Variants in C1orf87 observed in about 807,000 individuals in gnomAD.
The protein encoded by C1orf87 is uncharacterized protein C1orf87.
Under a neutral mutation model 60.5 loss-of-function variants are expected in C1orf87, and 58 were observed. That is an observed-to-expected ratio of 0.96 (90% CI 0.78 to 1.19). C1orf87 has a LOEUF of 1.19. Among genes scored for constraint, C1orf87 ranks in the 50% most tolerant of loss-of-function variants. The pLI is 0.00. For missense variants in C1orf87, 673 were observed against 638.6 expected, an observed-to-expected ratio of 1.05 and a Z score of -0.58; for synonymous variants, 236 against 227.4, an observed-to-expected ratio of 1.04 and a Z score of -0.34.
Position 60,040,190 on chromosome 1 carries a change from C to G in C1orf87, c.484-10G>C, listed in dbSNP as rs533983611. ...GGCTCTGGCCAATATCCTAACACAA[C>G]AATGAAAAACAAAGAGCAAGACTCT... is the stretch of plus-strand genomic sequence containing the variant. On this transcript the variant is annotated splice_polypyrimidine_tract_variant and intron_variant, in intron 4 of 11. Transcript: ENST00000371201. The G allele has an allele frequency of 1.9e-6, 3 of 1,603,350 alleles. No individual in the cohort carries two copies. In the Admixed American group the frequency reaches 5.2e-5, roughly 28 times the overall value.
intron 7 of C1orf87, among the ~76,000 whole-genome samples, chr1:60,032,359 G>A (rs1224771697): frequency 6.6e-6 from 1 of 151,090 alleles, no homozygotes; most frequent in Non-Finnish European, 1.5e-5. Context: ...AACTCTTCTG[G>A]ACTTTGAATC....
chr1:60,046,447 T>C (rs1291181078), intron 3 of C1orf87, among the ~76,000 whole-genome samples: 1 of 146,916 alleles, frequency 6.8e-6, no homozygotes, highest in African/African-American at 2.5e-5. Flanking sequence ...CTTCTTCTTT[T>C]TTTTTTTTTT....
intron 3 of C1orf87, among the ~76,000 whole-genome samples, chr1:60,049,737 T>A (rs1645400105): frequency 6.6e-6 from 1 of 152,142 alleles, no homozygotes; most frequent in Non-Finnish European, 1.5e-5. Context: ...TCTTTACACT[T>A]AAACCTTTGA....
chr1:60,052,301 G>A lies in C1orf87; in HGVS notation c.342+2903C>T, dbSNP rs182002870. On this transcript the variant is annotated intron_variant, in intron 3 of 11. Transcript: ENST00000371201. ...TTTTTTATTCTTCTGAGAGAAGGCA[G>A]AGCTGATAATTCTGAGAAATGATAT... 2.0e-3 allele frequency among the ~76,000 whole-genome samples: 304 copies of A among 152,252 alleles called. 1 individual carries two copies. The highest frequency in any genetic ancestry group is 2.9e-3 in the Admixed American group (45 of 15,294).
intron 7 of C1orf87, among the ~76,000 whole-genome samples, chr1:60,026,032 A>G (rs653424): frequency 0.97 from 147,398 of 152,268 alleles, 71,434 homozygotes; most frequent in Non-Finnish European, 0.99. Context: ...ATAAATAGTT[A>G]TTGAATGAAT....
At chr1:59,994,856 T>A in intron 11 of C1orf87, among the ~76,000 whole-genome samples, 1 of 152,162 alleles carries the variant, frequency 6.6e-6, no homozygotes, top group Non-Finnish European at 1.5e-5. Context: ...AAAGCAGATA[T>A]CATCTGCTCA....
chr1:60,045,101 C>G (rs2100303504), intron 3 of C1orf87, among the ~76,000 whole-genome samples: 1 of 152,300 alleles, frequency 6.6e-6, no homozygotes, highest in Middle Eastern at 3.4e-3. Context: ...AACAAATCAT[C>G]TTAACATTAT....
rs567129764 is a variant in C1orf87 at position 59,990,513 on chromosome 1, C to T, written c.*160G>A. 19 of 867,138 alleles carry T rather than the reference C, an allele frequency of 2.2e-5. No homozygotes were observed. The South Asian group carries it at 3.2e-4, about 14-fold the overall frequency. 53.7% of individuals were successfully genotyped at this position (867,138 alleles called of 1,614,324 possible). A position where few individuals can be genotyped will look rare whatever the true frequency, so the allele number is the denominator to read the frequency against. Reference sequence around the variant, plus strand: ...CTTTGAACTGCTTATGAGTGAGCATCATAGCCAGAAACTAAGTCCAAATCA... The same window carrying T: ...CTTTGAACTGCTTATGAGTGAGCATTATAGCCAGAAACTAAGTCCAAATCA... On this transcript the variant is annotated 3_prime_UTR_variant, in exon 12 of 12. Coordinates refer to ENST00000371201, the MANE Select transcript of C1orf87 (RefSeq NM_152377.3).
chr1:59,997,937 A>G, intron 10 of C1orf87, 121 bp from the exon 11 acceptor site: 2 of 923,766 alleles, frequency 2.2e-6, no homozygotes. Context: ...TTGGAAAGCT[A>G]AGAGGATGAG....
intron 8 of C1orf87, among the ~76,000 whole-genome samples, chr1:60,014,090 G>C (rs560390714): frequency 6.6e-6 from 1 of 152,046 alleles, no homozygotes. Context: ...ACTTTCTGCT[G>C]TCATTCTTGA....
intron 2 of C1orf87, among the ~76,000 whole-genome samples, chr1:60,071,684 G>T (rs938206402): frequency 2.0e-5 from 3 of 152,144 alleles, no homozygotes; most frequent in Non-Finnish European, 4.4e-5. Flanking sequence ...ACCTTGAGCT[G>T]GTTCCTGAAT....
intron 7 of C1orf87, among the ~76,000 whole-genome samples, chr1:60,027,168 G>A (rs1357195621): frequency 6.6e-6 from 1 of 152,156 alleles, no homozygotes; most frequent in Admixed American, 6.5e-5. Flanking sequence ...CCTTCGCAGG[G>A]CTTTGTTGAC....
intron 2 of C1orf87, 85 bp from the exon 3 acceptor site, chr1:60,055,523 G>T: frequency 8.1e-7 from 1 of 1,228,872 alleles, no homozygotes; most frequent in Non-Finnish European, 1.2e-6. Context: ...GGTGTGTTTG[G>T]TGTTGTGAAC....
intron 2 of C1orf87, among the ~76,000 whole-genome samples, chr1:60,065,016 A>ATATAT (rs1553130055): frequency 3.0e-5 from 1 of 33,596 alleles, no homozygotes; most frequent in Non-Finnish European, 7.2e-5. Flanking sequence ...ATATATATTA[A>ATATAT]ATATATATAT....
At chr1:60,028,683 C>T (rs931296035) in intron 7 of C1orf87, among the ~76,000 whole-genome samples, 2 of 152,156 alleles carry the variant, frequency 1.3e-5, no homozygotes, top group Admixed American at 6.5e-5. Context: ...TTGCATTTTA[C>T]CTCTTCATTC....
chr1:60,055,285 C>T lies in C1orf87; in HGVS notation c.261G>A (p.Lys87=). The change falls in exon 3 of 12, where the codon AAG becomes AAA. Residue 87 remains lysine (K), a synonymous_variant. Transcript: ENST00000371201. ...CTGATTTCTGGTTGTTCTCTGGGTGCTTTTTCTCTTTCACATCATCTGGAT... is the reference window on the plus strand; with the variant it reads ...CTGATTTCTGGTTGTTCTCTGGGTGTTTTTTCTCTTTCACATCATCTGGAT... The part of the protein sequence containing the change: ...TDNPDDVKEK[K]HPENNQKSEN... 6.2e-7 allele frequency: 1 copy of T among 1,614,058 alleles called. No homozygotes were observed. The highest frequency in any genetic ancestry group is 8.5e-7 in the Non-Finnish European group (1 of 1,180,002).
In C1orf87 at chr1:60,001,087, G is replaced by T; in HGVS notation, c.1262C>A (p.Thr421Asn). ...PEVPEMSQSK[T>N]EHMKTPEEEL... ...ACCCCAGGTGCATACCATATGTTCA[G>T]TTTTGCTTTGAGACATCTCGGGGAC... Residue 421 changes from threonine (T) to asparagine (N), a missense_variant, in exon 10 of 12, where the codon ACT becomes AAT. Thr to Asn is a moderately conservative substitution (Grantham distance 65, BLOSUM62 0). Transcript: ENST00000371201. 1 of 1,608,236 alleles carries T rather than the reference G, an allele frequency of 6.2e-7. No homozygotes were observed. Among genetic ancestry groups the T allele is most frequent in the Non-Finnish European group, 8.5e-7 (1 of 1,176,536 alleles).
At chr1:60,016,156 C>A (rs1645122719) in intron 8 of C1orf87, among the ~76,000 whole-genome samples, 2 of 152,274 alleles carry the variant, frequency 1.3e-5, no homozygotes, top group Non-Finnish European at 2.9e-5. Context: ...CCTTAACAGC[C>A]CTAACAGAAG....
chr1:60,036,577 T>G (rs1645278747), intron 6 of C1orf87, among the ~76,000 whole-genome samples: 1 of 152,156 alleles, frequency 6.6e-6, no homozygotes, highest in African/African-American at 2.4e-5. Flanking sequence ...ATCAGTGAAG[T>G]GAAGTGTATC....
Sources: allele counts gnomAD v4.1 joint callset (sites outside exome capture counted in the v4.1 genomes callset), GRCh38; gene constraint gnomAD v4.1.1; transcripts MANE v1.5; gene names NCBI Gene and HGNC (gene_info 2026-07-23, HGNC 2026-07-21).